The following SART3 variants were observed in gnomAD, a reference collection of about 807,000 sequenced individuals.
SART3 encodes the protein HIV-1 Tat-interacting protein of 110kDa.
Under a neutral mutation model 122.3 loss-of-function variants are expected in SART3, and 44 were observed. That is an observed-to-expected ratio of 0.36 (90% CI 0.28 to 0.46). The LOEUF (loss-of-function observed/expected upper bound fraction) is 0.46. Ranked by LOEUF, SART3 falls within the 20% of genes least tolerant of loss-of-function variation. The pLI, the probability that SART3 is intolerant of heterozygous loss-of-function variation, is 1.00. For missense variants in SART3, 1,101 were observed against 1,229.0 expected, an observed-to-expected ratio of 0.90 and a Z score of 1.56; for synonymous variants, 442 against 454.0, an observed-to-expected ratio of 0.97 and a Z score of 0.34.
chr12:108,532,624 C>A, intron 12 of SART3: 1 of 381,842 alleles, frequency 2.6e-6, no homozygotes, highest in South Asian at 2.1e-5. Context: ...TTCACATGTG[C>A]GGCACATGGC....
At chr12:108,533,244 T>A (rs1487082387) in intron 12 of SART3, among the ~76,000 whole-genome samples, 1 of 152,162 alleles carries the variant, frequency 6.6e-6, no homozygotes, top group Non-Finnish European at 1.5e-5. Context: ...ACTTTTTCAC[T>A]GTGTTGACAT....
intron 17 of SART3, 195 bp from the exon 18 acceptor site, chr12:108,524,701 G>A (rs565331795): frequency 2.2e-5 from 14 of 630,790 alleles, no homozygotes; most frequent in African/African-American, 3.6e-5. Context: ...TCTCCTTCCC[G>A]AGTGCTGCTA....
intron 15 of SART3, among the ~76,000 whole-genome samples, chr12:108,528,941 G>A (rs1277959109): frequency 6.6e-6 from 1 of 152,156 alleles, no homozygotes; most frequent in Admixed American, 6.5e-5. Flanking sequence ...GGCCAACATG[G>A]CGAAACCTGA....
At chr12:108,559,851 AG>A (rs2030413234) in intron 1 of SART3, among the ~76,000 whole-genome samples, 1 of 152,086 alleles carries the variant, frequency 6.6e-6, no homozygotes, top group Non-Finnish European at 1.5e-5. Flanking sequence ...GTTTGGTGGG[AG>A]GAAGAAAGAG....
At position 108,524,338 on chromosome 12, in the gene SART3, G is replaced by C; in HGVS notation, c.2692C>G (p.Leu898Val). ...TACGCTCCGTATGTCTGCGGCAAAAGCATGGGGCCACCTGGTGCCTTCCTG... is the reference window on the plus strand; with the variant it reads ...TACGCTCCGTATGTCTGCGGCAAAACCATGGGGCCACCTGGTGCCTTCCTG... Reference protein sequence around the residue: ...ETRKAPGGPMLLPQTYGARGK... With the variant: ...ETRKAPGGPMVLPQTYGARGK... Residue 898 changes from leucine (L) to valine (V), a missense_variant, in exon 18 of 19, where the codon CTT becomes GTT. Coordinates refer to ENST00000546815, the MANE Select transcript of SART3 (RefSeq NM_014706.4). The C allele has an allele frequency of 6.2e-7, 1 of 1,614,118 alleles. No homozygotes were observed. Among genetic ancestry groups the C allele is most frequent in the Non-Finnish European group, 8.5e-7 (1 of 1,180,012 alleles).
Position 108,538,833 on chromosome 12 carries a change from G to A in SART3, c.1062+101C>T, listed in dbSNP as rs1873026845. ...AGGAGAAAAAGCAGATGGAGGAAAAGCAAGAGTAGGGCCGTATGCAACAAA... is the reference window on the plus strand; with the variant it reads ...AGGAGAAAAAGCAGATGGAGGAAAAACAAGAGTAGGGCCGTATGCAACAAA... On this transcript the variant is annotated intron_variant, in intron 7 of 18. Coordinates refer to ENST00000546815, the MANE Select transcript of SART3 (RefSeq NM_014706.4). The A allele has an allele frequency of 7.1e-6, 10 of 1,415,136 alleles. No homozygotes were observed. The South Asian group carries it at 1.2e-4, about 17-fold the overall frequency. The allele number at this position is 1,415,136 out of a possible 1,614,324, so 87.7% of individuals were successfully genotyped here.
chr12:108,531,673 G>C, intron 13 of SART3: 1 of 270,106 alleles, frequency 3.7e-6, no homozygotes, highest in South Asian at 4.3e-5. Context: ...CCAAAATCCA[G>C]ACCAATACCC....
chr12:108,536,433 T>C (rs1355336253), intron 11 of SART3, 81 bp downstream of exon 11: 1 of 1,375,044 alleles, frequency 7.3e-7, no homozygotes, highest in Non-Finnish European at 1.0e-6. Context: ...TCTGGGATTC[T>C]GACTCAATTT....
intron 12 of SART3, among the ~76,000 whole-genome samples, chr12:108,532,908 T>C (rs1472603053): frequency 5.9e-5 from 9 of 152,104 alleles, no homozygotes; most frequent in Non-Finnish European, 1.2e-4. Flanking sequence ...TGCCCACCAC[T>C]ACACCCAGCT....
At chr12:108,560,496 G>T in intron 1 of SART3, 1 of 395,734 alleles carries the variant, frequency 2.5e-6, no homozygotes, top group Non-Finnish European at 4.5e-6. Flanking sequence ...TGGACGTGTG[G>T]TTAAGAGTGG....
chr12:108,528,186 T>TA (rs1269382104), intron 15 of SART3, among the ~76,000 whole-genome samples: 3 of 151,986 alleles, frequency 2.0e-5, no homozygotes, highest in African/African-American at 4.8e-5. Context: ...TCAGAACCAT[T>TA]AAAAGCAGGG....
intron 2 of SART3, 80 bp downstream of exon 2, chr12:108,549,008 G>C: frequency 6.3e-7 from 1 of 1,591,002 alleles, no homozygotes; most frequent in Non-Finnish European, 8.6e-7. Flanking sequence ...TCTACAAGGA[G>C]CATGTCCCAC....
At chr12:108,531,466 T>C in intron 13 of SART3, 186 bp from the exon 14 acceptor site, 1 of 589,364 alleles carries the variant, frequency 1.7e-6, no homozygotes, top group Non-Finnish European at 3.0e-6. Flanking sequence ...AAAATGTCCC[T>C]CTCCTTTCAG....
In SART3 at chr12:108,525,550, G is replaced by A. The variant is rs2136660579; in HGVS notation, c.2430C>T (p.Phe810=). 1.2e-6 allele frequency: 2 copies of A among 1,614,194 alleles called. No individual in the cohort carries two copies. The highest frequency in any genetic ancestry group is 2.2e-5 in the East Asian group (1 of 44,890). Residue 810 remains phenylalanine, a synonymous_variant, in exon 17 of 19, where the codon TTC becomes TTT. Coordinates refer to ENST00000546815, the MANE Select transcript of SART3 (RefSeq NM_014706.4). ...KHKLFISGLP[F]SCTKEELEEI... is the part of the protein sequence containing the mutation. ...CTTCTAGTTCCTCTTTAGTACAGGAGAAAGGCAGGCCTGAGATGAACAGCT... is the reference window on the plus strand; with the variant it reads ...CTTCTAGTTCCTCTTTAGTACAGGAAAAAGGCAGGCCTGAGATGAACAGCT...
At chr12:108,532,923 T>G (rs1821066727) in intron 12 of SART3, among the ~76,000 whole-genome samples, 1 of 152,138 alleles carries the variant, frequency 6.6e-6, no homozygotes, top group Non-Finnish European at 1.5e-5. Context: ...CCAGCTAATT[T>G]TTGTATTTCT....
chr12:108,526,167 T>C lies in SART3; in HGVS notation c.2302A>G (p.Lys768Glu), dbSNP rs1422050241. ...SALQALEMDRKSVEGRPMFVS... is the reference protein window; with the variant it reads ...SALQALEMDRESVEGRPMFVS... ...AACATTGGCCTCCCTTCTACACTTT[T>C]CCGGTCCATCTCCAGTGCCTGAAGG... is the stretch of plus-strand genomic sequence containing the variant. The change falls in exon 16 of 19, where the codon AAA becomes GAA. Residue 768 changes from lysine to glutamate, a missense_variant. Lys to Glu is a moderately conservative substitution (Grantham distance 56). Transcript: ENST00000546815. 5 of 1,614,136 alleles carry C rather than the reference T, an allele frequency of 3.1e-6. No individual in the cohort carries two copies. Among genetic ancestry groups the C allele is most frequent in the Non-Finnish European group, 4.2e-6 (5 of 1,180,044 alleles).
chr12:108,532,618 C>T (rs938134832), intron 12 of SART3: 1 of 393,278 alleles, frequency 2.5e-6, no homozygotes, highest in Admixed American at 3.6e-5. Flanking sequence ...ACAGCATTCA[C>T]ATGTGCGGCA....
chr12:108,538,017 T>TC (rs747790238), intron 8 of SART3, 48 bp downstream of exon 8: 47 of 1,613,140 alleles, frequency 2.9e-5, no homozygotes, highest in Non-Finnish European at 3.9e-5. Context: ...TCTCTGTTTT[T>TC]CACTTGGGAC....
chr12:108,532,427 C>A, intron 12 of SART3, 93 bp from the exon 13 acceptor site: 1 of 946,488 alleles, frequency 1.1e-6, no homozygotes, highest in Non-Finnish European at 1.7e-6. Flanking sequence ...GAAACTCACT[C>A]TTCAGTAACT....
Sources: allele counts gnomAD v4.1 joint callset (sites outside exome capture counted in the v4.1 genomes callset), GRCh38; gene constraint gnomAD v4.1.1; transcripts MANE v1.5; gene names NCBI Gene and HGNC (gene_info 2026-07-23, HGNC 2026-07-21).